BPGM: variants seen among roughly 807,000 people sequenced by gnomAD.
The protein encoded by BPGM is bisphosphoglycerate mutase.
BPGM carries 15 observed loss-of-function variants against 21.6 expected under a neutral mutation model. The observed-to-expected ratio is 0.70, with a 90% CI of 0.47 to 1.07. The LOEUF is 1.07. Ranked by LOEUF, BPGM falls within the 50% of genes least tolerant of loss-of-function variation. BPGM has a pLI of 0.00. For synonymous variants in BPGM, 113 were observed against 116.2 expected, an observed-to-expected ratio of 0.97 and a Z score of 0.18; for missense variants, 273 against 319.0, an observed-to-expected ratio of 0.86 and a Z score of 1.10.
At chr7:134,660,469 G>C (rs1035119716) in intron 1 of BPGM, 1 of 152,590 alleles carries the variant, frequency 6.6e-6, no homozygotes, top group Non-Finnish European at 1.5e-5. Flanking sequence ...CAGATTCTCC[G>C]AGGATGGAGT....
At chr7:134,659,746 A>G (rs139516629) in intron 1 of BPGM, among the ~76,000 whole-genome samples, 6 of 152,284 alleles carry the variant, frequency 3.9e-5, no homozygotes, top group Admixed American at 1.3e-4. Context: ...TAGCCTTTCA[A>G]CTTCAGTCAT....
chr7:134,660,026 G>T lies in BPGM; in HGVS notation c.-61-1421G>T, dbSNP rs192869031. ...GACAAAATCACCTAATGATGCATTTGCCAGGACATATTCCCTTCATTAAGC... is the reference window on the plus strand; with the variant it reads ...GACAAAATCACCTAATGATGCATTTTCCAGGACATATTCCCTTCATTAAGC... On this transcript the variant is annotated intron_variant, in intron 1 of 2. Coordinates refer to ENST00000344924, the MANE Select transcript of BPGM (RefSeq NM_001724.5). 9.2e-5 allele frequency among the ~76,000 whole-genome samples: 14 copies of T among 152,294 alleles called. No homozygotes were observed. In the East Asian group the frequency reaches 2.1e-3, roughly 23 times the overall value.
intron 2 of BPGM, among the ~76,000 whole-genome samples, chr7:134,670,412 A>G (rs1323848948): frequency 6.6e-6 from 1 of 152,158 alleles, no homozygotes; most frequent in Non-Finnish European, 1.5e-5. Context: ...GTAGTTGCCT[A>G]TTGGTGTGGT....
Position 134,679,106 on chromosome 7 carries a change from C to CTCTTTT in BPGM, c.*78_*83dup. The CTCTTTT allele has an allele frequency of 6.6e-7, 1 of 1,518,066 alleles. No individual in the cohort carries two copies. Among genetic ancestry groups the CTCTTTT allele is most frequent in the Non-Finnish European group, 9.0e-7 (1 of 1,105,900 alleles). The allele number at this position is 1,518,066 out of a possible 1,614,324, so 94.0% of individuals were successfully genotyped here. ...GTGTGTTATGGGTGCTGAACTCTCTCTCTTTTTCCCCGATTTTCCAGAGCT... is the reference window on the plus strand; with the variant it reads ...GTGTGTTATGGGTGCTGAACTCTCTCTCTTTTTCTTTTTCCCCGATTTTCCAGAGCT... On this transcript the variant is annotated 3_prime_UTR_variant, in exon 3 of 3. Coordinates refer to ENST00000344924, the MANE Select transcript of BPGM (RefSeq NM_001724.5).
intron 1 of BPGM, among the ~76,000 whole-genome samples, chr7:134,659,457 T>C (rs1355415649): frequency 1.3e-5 from 2 of 152,120 alleles, no homozygotes; most frequent in Admixed American, 6.5e-5. Flanking sequence ...AAGCTTGAAC[T>C]TTGTTAGATT....
intron 1 of BPGM, 171 bp downstream of exon 1, chr7:134,647,108 GGTCCCTTTCCCTT>G (rs1795473304): frequency 6.5e-6 from 1 of 153,060 alleles, no homozygotes; most frequent in Non-Finnish European, 1.5e-5. Context: ...TTATCGCCCC[GGTCCCTTTCCCTT>G]GTCCCTATCT....
At chr7:134,657,497 T>G (rs369253470) in intron 1 of BPGM, among the ~76,000 whole-genome samples, 34 of 152,312 alleles carry the variant, frequency 2.2e-4, no homozygotes, top group Non-Finnish European at 4.1e-4. Context: ...CAAGAGAACT[T>G]CAACTGAATA....
chr7:134,650,286 A>G (rs1795535897), intron 1 of BPGM, among the ~76,000 whole-genome samples: 1 of 152,232 alleles, frequency 6.6e-6, no homozygotes, highest in South Asian at 2.1e-4. Context: ...AGGCTGGAAC[A>G]TGCAACATGC....
chr7:134,661,319 A>C lies in BPGM; in HGVS notation c.-61-128A>C. ...ATGCCTGTATGTGTCACAGTGTATG[A>C]GTTATCACATTTCTGACTGTTCAAA... On this transcript the variant is annotated intron_variant, in intron 1 of 2. Transcript: ENST00000344924. The surrounding 1 kb of genome is among the most constrained non-coding windows in gnomAD (Gnocchi z 4.6). The C allele has an allele frequency of 2.8e-6, 2 of 707,800 alleles. No homozygotes were observed. The highest frequency in any genetic ancestry group is 4.7e-6 in the Non-Finnish European group (2 of 429,274). 43.8% of individuals were successfully genotyped at this position (707,800 alleles called of 1,614,324 possible).
chr7:134,657,640 C>A (rs1270464518), intron 1 of BPGM, among the ~76,000 whole-genome samples: 2 of 152,150 alleles, frequency 1.3e-5, no homozygotes, highest in Non-Finnish European at 2.9e-5. Flanking sequence ...GAGCACCCCC[C>A]ACTAGAGAGA....
intron 2 of BPGM, among the ~76,000 whole-genome samples, chr7:134,677,581 T>G (rs960804664): frequency 6.6e-6 from 1 of 152,186 alleles, no homozygotes; most frequent in African/African-American, 2.4e-5. Context: ...AATGGCTAAT[T>G]AAAATGAAAA....
chr7:134,674,839 G>A (rs890969570), intron 2 of BPGM, among the ~76,000 whole-genome samples: 1 of 152,158 alleles, frequency 6.6e-6, no homozygotes, highest in African/African-American at 2.4e-5. Context: ...TTGCCAGACT[G>A]TTTTCGAAAG....
intron 1 of BPGM, among the ~76,000 whole-genome samples, chr7:134,651,540 G>C (rs1486721342): frequency 1.3e-5 from 2 of 152,070 alleles, no homozygotes; most frequent in South Asian, 2.1e-4. Flanking sequence ...TTTAATGAAG[G>C]AGTAGGAAGC....
rs1027406794 is a variant in BPGM at position 134,661,429 on chromosome 7, T to C, written c.-61-18T>C. The C allele has an allele frequency of 1.3e-6, 2 of 1,591,348 alleles. No homozygotes were observed. Among genetic ancestry groups the C allele is most frequent in the African/African-American group, 1.3e-5 (1 of 74,370 alleles). On this transcript the variant is annotated intron_variant, in intron 1 of 2. Coordinates refer to ENST00000344924, the MANE Select transcript of BPGM (RefSeq NM_001724.5). This position sits in a 1 kb window ranked among gnomAD's most constrained non-coding sequence, Gnocchi z 4.6. Reference sequence around the variant, plus strand: ...GTCAGTTGAATATAACTTAGACTTGTTGTTCTTGTCTTTCTAGATGTATTG... The same window carrying C: ...GTCAGTTGAATATAACTTAGACTTGCTGTTCTTGTCTTTCTAGATGTATTG...
intron 1 of BPGM, among the ~76,000 whole-genome samples, chr7:134,657,487 C>A (rs1169035579): frequency 6.6e-6 from 1 of 152,154 alleles, no homozygotes; most frequent in Non-Finnish European, 1.5e-5. Flanking sequence ...TAAATGAGGG[C>A]AAGAGAACTT....
At chr7:134,659,330 A>G (rs891997978) in intron 1 of BPGM, among the ~76,000 whole-genome samples, 2 of 151,306 alleles carry the variant, frequency 1.3e-5, no homozygotes, top group Non-Finnish European at 2.9e-5. Context: ...CACTGCAAAA[A>G]TATCTTCCAT....
chr7:134,651,792 G>C (rs1439094442), intron 1 of BPGM, among the ~76,000 whole-genome samples: 1 of 152,154 alleles, frequency 6.6e-6, no homozygotes, highest in Non-Finnish European at 1.5e-5. Flanking sequence ...TACATTTATA[G>C]TGAAAGATCT....
chr7:134,679,201 C>T lies in BPGM; in HGVS notation c.*170C>T. ...TGGCCCAGATAAGGCTTTAGGATGC[C>T]TCAGTGCTTATGTCATAGCCTTATG... On this transcript the variant is annotated 3_prime_UTR_variant, in exon 3 of 3. Transcript: ENST00000344924. 1.4e-5 allele frequency: 10 copies of T among 722,176 alleles called. No homozygotes were observed. Among genetic ancestry groups the T allele is most frequent in the Non-Finnish European group, 2.3e-5 (10 of 442,980 alleles). 44.7% of individuals were successfully genotyped at this position (722,176 alleles called of 1,614,324 possible).
chr7:134,666,671 G>T (rs1368060074), intron 2 of BPGM, among the ~76,000 whole-genome samples: 1 of 152,162 alleles, frequency 6.6e-6, no homozygotes, highest in Non-Finnish European at 1.5e-5. Flanking sequence ...TGTTGCTGTA[G>T]TTCTCTACTG....
Sources: allele counts gnomAD v4.1 joint callset (sites outside exome capture counted in the v4.1 genomes callset), GRCh38; gene constraint gnomAD v4.1.1; non-coding constraint Gnocchi (gnomAD v3.1); transcripts MANE v1.5; gene names NCBI Gene and HGNC (gene_info 2026-07-23, HGNC 2026-07-21).